The following EPB41L4A variants were observed in gnomAD, a reference collection of about 807,000 sequenced individuals.
EPB41L4A encodes the protein band 4.1-like protein 4A.
EPB41L4A carries 100 observed loss-of-function variants against 108.6 expected under a neutral mutation model. The ratio of observed to expected loss-of-function variants is 0.92; its 90% CI spans 0.78 to 1.09. EPB41L4A has a LOEUF of 1.09. EPB41L4A is among the 50% of genes least tolerant of loss of function. The pLI, the probability that EPB41L4A is intolerant of heterozygous loss-of-function variation, is 0.00. For synonymous variants in EPB41L4A, 319 were observed against 289.0 expected (o/e 1.10, Z -1.05); for missense variants, 1,030 against 842.7 (o/e 1.22, Z -2.75).
At chr5:112,404,348 C>A (rs1181349880) in intron 1 of EPB41L4A, among the ~76,000 whole-genome samples, 1 of 152,178 alleles carries the variant, frequency 6.6e-6, no homozygotes, top group African/African-American at 2.4e-5. Context: ...TCACTGATGA[C>A]AAAACTCAGG....
intron 17 of EPB41L4A, among the ~76,000 whole-genome samples, chr5:112,189,794 T>C (rs1761603453): frequency 6.6e-6 from 1 of 152,214 alleles, no homozygotes; most frequent in African/African-American, 2.4e-5. Context: ...ATTCAAAGAT[T>C]CTCCTCAGTG....
At chr5:112,374,924 A>G (rs1432127621) in intron 1 of EPB41L4A, among the ~76,000 whole-genome samples, 2 of 152,174 alleles carry the variant, frequency 1.3e-5, no homozygotes, top group African/African-American at 4.8e-5. Flanking sequence ...TACGTTTTTT[A>G]AAAACCACAA....
intron 1 of EPB41L4A, among the ~76,000 whole-genome samples, chr5:112,326,167 T>C (rs931711500): frequency 6.6e-6 from 1 of 152,084 alleles, no homozygotes; most frequent in African/African-American, 2.4e-5. Flanking sequence ...AAATTTTTTT[T>C]AAATTAAACT....
chr5:112,407,432 G>A (rs1319000282), intron 1 of EPB41L4A, among the ~76,000 whole-genome samples: 2 of 152,182 alleles, frequency 1.3e-5, no homozygotes, highest in Non-Finnish European at 2.9e-5. Context: ...AAGGTTGAAA[G>A]GAAGTCATGG....
intron 1 of EPB41L4A, among the ~76,000 whole-genome samples, chr5:112,377,862 C>T (rs573484548): frequency 1.1e-4 from 17 of 152,118 alleles, no homozygotes; most frequent in African/African-American, 3.6e-4. Flanking sequence ...AAAAAAATCA[C>T]ACTGCTAACC....
intron 1 of EPB41L4A, among the ~76,000 whole-genome samples, chr5:112,391,858 C>G (rs768095446): frequency 6.6e-5 from 10 of 152,178 alleles, no homozygotes; most frequent in Non-Finnish European, 1.3e-4. Context: ...AAAGGCCCAT[C>G]AGACTAACAG....
intron 12 of EPB41L4A, among the ~76,000 whole-genome samples, chr5:112,210,720 T>C (rs1561478612): frequency 6.6e-6 from 1 of 152,096 alleles, no homozygotes; most frequent in Non-Finnish European, 1.5e-5. Context: ...TAGATAAGCC[T>C]GCAGAAGTGA....
chr5:112,390,557 G>T (rs1358402844), intron 1 of EPB41L4A, among the ~76,000 whole-genome samples: 3 of 152,180 alleles, frequency 2.0e-5, no homozygotes, highest in African/African-American at 7.2e-5. Flanking sequence ...CTCAAACTGG[G>T]TGGAGCTCAC....
chr5:112,181,791 G>T (rs964451870), intron 18 of EPB41L4A, among the ~76,000 whole-genome samples: 1 of 152,142 alleles, frequency 6.6e-6, no homozygotes, highest in Non-Finnish European at 1.5e-5. Flanking sequence ...CAGAACAGTG[G>T]ACCAGGCGCA....
chr5:112,234,246 C>G (rs1749170137), intron 12 of EPB41L4A, among the ~76,000 whole-genome samples: 1 of 148,808 alleles, frequency 6.7e-6, no homozygotes, highest in Non-Finnish European at 1.5e-5. Flanking sequence ...ATAAAATAAC[C>G]AGGCATGGTA....
chr5:112,352,169 T>G (rs1219579585), intron 1 of EPB41L4A, among the ~76,000 whole-genome samples: 4 of 152,250 alleles, frequency 2.6e-5, no homozygotes, highest in African/African-American at 9.6e-5. Context: ...CGACTCATTT[T>G]GGGTTCGGTT....
chr5:112,279,517 T>C (rs146876459), intron 3 of EPB41L4A, among the ~76,000 whole-genome samples: 1 of 152,294 alleles, frequency 6.6e-6, no homozygotes, highest in Non-Finnish European at 1.5e-5. Flanking sequence ...GTGATGATGG[T>C]TGCACAACAA....
intron 18 of EPB41L4A, among the ~76,000 whole-genome samples, chr5:112,182,309 G>C (rs1761200150): frequency 6.6e-6 from 1 of 152,014 alleles, no homozygotes. Context: ...CCGACCACTT[G>C]ACTAAAAAAT....
Position 112,360,778 on chromosome 5 carries a change from T to G in EPB41L4A, c.100-53288A>C, listed in dbSNP as rs1211840921. 2.0e-5 allele frequency among the ~76,000 whole-genome samples: 3 copies of G among 152,032 alleles called. 1 individual carries two copies. Among genetic ancestry groups the G allele is most frequent in the Admixed American group, 2.0e-4 (3 of 15,302 alleles). The stretch of plus-strand genomic sequence containing the variant: ...GCCTCTTCCCGGTCGTCATCCCGTC[T>G]AGGAAGTGAAGAGCGTCTCTGCCCG... On this transcript the variant is annotated intron_variant, in intron 1 of 22. Coordinates refer to ENST00000261486, the MANE Select transcript of EPB41L4A (RefSeq NM_022140.5).
chr5:112,413,214 C>CA (rs1762514095), intron 1 of EPB41L4A, among the ~76,000 whole-genome samples: 1 of 152,160 alleles, frequency 6.6e-6, no homozygotes, highest in African/African-American at 2.4e-5. Context: ...TTACAAAATA[C>CA]AAAAACGGTG....
rs943253528 is a variant in EPB41L4A, at chr5:112,413,418, T to C, written c.99+5523A>G. The stretch of plus-strand genomic sequence containing the variant: ...AAATAAAATAGCAAAGGAACTCCAT[T>C]ATCTAGAAGATTTTCAATACAGCCT... On this transcript the variant is annotated intron_variant, in intron 1 of 22. Coordinates refer to ENST00000261486, the MANE Select transcript of EPB41L4A (RefSeq NM_022140.5). Among the ~76,000 whole-genome samples the C allele has an allele frequency of 2.0e-5, 3 of 152,338 alleles. No individual in the cohort carries two copies. The South Asian group carries it at 6.2e-4, about 32-fold the overall frequency.
chr5:112,403,054 AC>A (rs1761874092), intron 1 of EPB41L4A, among the ~76,000 whole-genome samples: 2 of 152,058 alleles, frequency 1.3e-5, no homozygotes, highest in South Asian at 2.1e-4. Flanking sequence ...GAAAAAAAAA[AC>A]AAAGATTTTT....
intron 1 of EPB41L4A, among the ~76,000 whole-genome samples, chr5:112,367,164 A>G (rs1333313318): frequency 3.3e-5 from 5 of 152,166 alleles, no homozygotes; most frequent in Non-Finnish European, 1.5e-5. Context: ...AGCCGGACCA[A>G]TCTCTCAGCT....
At chr5:112,391,897 G>A (rs1026444447) in intron 1 of EPB41L4A, among the ~76,000 whole-genome samples, 11 of 152,284 alleles carry the variant, frequency 7.2e-5, no homozygotes, top group South Asian at 2.1e-4. Flanking sequence ...CTCCACAAGC[G>A]AGAAGAGAGT....
Sources: allele counts gnomAD v4.1 joint callset (sites outside exome capture counted in the v4.1 genomes callset), GRCh38; gene constraint gnomAD v4.1.1; transcripts MANE v1.5; gene names NCBI Gene and HGNC (gene_info 2026-07-23, HGNC 2026-07-21).